ADAMTS19: variants seen among roughly 807,000 people sequenced by gnomAD.
The protein encoded by ADAMTS19 is ADAM metallopeptidase with thrombospondin type 1 motif 19.
ADAMTS19 carries 93 observed loss-of-function variants against 153.3 expected under a neutral mutation model. The observed-to-expected ratio is 0.61, with a 90% CI of 0.51 to 0.72. ADAMTS19 has a LOEUF of 0.72. Among genes scored for constraint, ADAMTS19 ranks in the 30% least tolerant of loss-of-function variants. ADAMTS19 has a pLI of 0.00. For missense variants in ADAMTS19, 1,482 were observed against 1,552.1 expected (o/e 0.95, Z 0.76); for synonymous variants, 600 against 556.6 (o/e 1.08, Z -1.10).
At chr5:129,665,616 C>T (rs775727424) in intron 16 of ADAMTS19, 37 bp downstream of exon 16, 17 of 1,501,404 alleles carry the variant, frequency 1.1e-5, no homozygotes, top group Admixed American at 1.7e-5. Context: ...GATCCAAGTA[C>T]GAGCCCAACT....
chr5:129,702,929 C>CAAAAAAAAAAAA (rs376208133), intron 20 of ADAMTS19, among the ~76,000 whole-genome samples: 15 of 44,290 alleles, frequency 3.4e-4, no homozygotes, highest in African/African-American at 1.3e-3. Context: ...TTTGACTTGC[C>CAAAAAAAAAAAA]AAAAAAAAAA....
chr5:129,638,329 A>G (rs996965906), intron 10 of ADAMTS19, among the ~76,000 whole-genome samples: 2 of 151,752 alleles, frequency 1.3e-5, no homozygotes, highest in Admixed American at 6.6e-5. Context: ...TTTAGTTTCT[A>G]TTTTTCAGTT....
At chr5:129,601,164 G>A (rs1195143478) in intron 8 of ADAMTS19, among the ~76,000 whole-genome samples, 16 of 152,198 alleles carry the variant, frequency 1.1e-4, no homozygotes, top group African/African-American at 3.6e-4. Context: ...GAGCCACCAC[G>A]CCCAGCCAGG....
intron 11 of ADAMTS19, 117 bp from the exon 12 acceptor site, chr5:129,647,648 C>T (rs1753126646): frequency 1.6e-6 from 2 of 1,226,680 alleles, no homozygotes; most frequent in Non-Finnish European, 2.3e-6. Flanking sequence ...TCCTAATTCC[C>T]CATGTTTGTG....
At chr5:129,573,419 A>G (rs1044601209) in intron 7 of ADAMTS19, among the ~76,000 whole-genome samples, 2 of 152,066 alleles carry the variant, frequency 1.3e-5, no homozygotes, top group Admixed American at 6.6e-5. Context: ...ACATTTCAGT[A>G]TGCCTTTCTT....
rs995023565 is a variant in ADAMTS19, at chr5:129,546,396, T to TA, written c.1329-5460dup. On this transcript the variant is annotated intron_variant, in intron 6 of 22. Transcript: ENST00000274487. Reference sequence around the variant, plus strand: ...AAACTTAAAGTATAATAAAAAAAATTAAAAAAAAGAGAAGATAAATAAAAA... The same window carrying TA: ...AAACTTAAAGTATAATAAAAAAAATTAAAAAAAAAGAGAAGATAAATAAAAA... 8.7e-5 allele frequency among the ~76,000 whole-genome samples: 13 copies of TA among 149,902 alleles called. 2 individuals are homozygous for TA. Among genetic ancestry groups the TA allele is most frequent in the African/African-American group, 2.5e-4 (10 of 39,880 alleles).
chr5:129,472,759 T>C (rs36058162), intron 2 of ADAMTS19, among the ~76,000 whole-genome samples: 234 of 150,966 alleles, frequency 1.6e-3, no homozygotes, highest in African/African-American at 5.1e-3. Flanking sequence ...ATTATTATAG[T>C]TATATATTTA....
At position 129,594,550 on chromosome 5, in the gene ADAMTS19, A is replaced by G. The variant is rs117223455; in HGVS notation, c.1373-2009A>G. 2.4e-4 allele frequency among the ~76,000 whole-genome samples: 36 copies of G among 152,242 alleles called. No individual in the cohort carries two copies. The East Asian group carries it at 6.4e-3, about 27-fold the overall frequency. ...TGCTGTAACTTTTAATACCCTATTTAGAGGAGATATTTTCTTTTATCCTCC... is the reference window on the plus strand; with the variant it reads ...TGCTGTAACTTTTAATACCCTATTTGGAGGAGATATTTTCTTTTATCCTCC... On this transcript the variant is annotated intron_variant, in intron 7 of 22. Transcript: ENST00000274487.
chr5:129,724,015 G>A (rs779837630), intron 21 of ADAMTS19, among the ~76,000 whole-genome samples: 55 of 152,310 alleles, frequency 3.6e-4, no homozygotes, highest in Non-Finnish European at 6.3e-4. Context: ...GTTAAGATAA[G>A]GGGTTGCGGA....
At chr5:129,542,328 T>C (rs1752684010) in intron 6 of ADAMTS19, among the ~76,000 whole-genome samples, 1 of 152,116 alleles carries the variant, frequency 6.6e-6, no homozygotes, top group Admixed American at 6.6e-5. Flanking sequence ...AGCTGATGAC[T>C]AGAATACACT....
At chr5:129,596,314 G>A (rs560494199) in intron 7 of ADAMTS19, among the ~76,000 whole-genome samples, 1 of 151,716 alleles carries the variant, frequency 6.6e-6, no homozygotes, top group East Asian at 1.9e-4. Context: ...ATTCCTTTTG[G>A]GAACTTGATA....
At chr5:129,649,104 A>C in intron 13 of ADAMTS19, 134 bp downstream of exon 13, 1 of 813,172 alleles carries the variant, frequency 1.2e-6, no homozygotes, top group Admixed American at 2.6e-5. Context: ...ACCTGTATGG[A>C]CATATAATAA....
At chr5:129,658,323 A>G (rs1306369256) in intron 14 of ADAMTS19, among the ~76,000 whole-genome samples, 1,470 of 103,970 alleles carry the variant, frequency 0.014, 70 homozygotes, top group African/African-American at 0.057. Context: ...GAAAGAAAGA[A>G]AGAAAGAAAG....
intron 3 of ADAMTS19, among the ~76,000 whole-genome samples, chr5:129,512,894 C>A (rs894465447): frequency 6.6e-6 from 1 of 151,976 alleles, no homozygotes; most frequent in Non-Finnish European, 1.5e-5. Context: ...ACAGGCATTT[C>A]TCAGGACTTC....
intron 2 of ADAMTS19, among the ~76,000 whole-genome samples, chr5:129,477,647 G>T (rs1372475640): frequency 6.6e-6 from 1 of 152,208 alleles, no homozygotes; most frequent in African/African-American, 2.4e-5. Context: ...TTTGCCTATA[G>T]TTAGCTCTGT....
intron 2 of ADAMTS19, among the ~76,000 whole-genome samples, chr5:129,494,712 G>T (rs750681956): frequency 6.6e-6 from 1 of 151,972 alleles, no homozygotes; most frequent in Admixed American, 6.6e-5. Flanking sequence ...TGCTTTCCCC[G>T]CATTATTCTC....
intron 2 of ADAMTS19, among the ~76,000 whole-genome samples, chr5:129,462,056 T>C (rs1256115657): frequency 6.6e-6 from 1 of 152,230 alleles, no homozygotes; most frequent in Non-Finnish European, 1.5e-5. Context: ...GCTCAACTTC[T>C]TTCTGTTCTC....
At position 129,460,466 on chromosome 5, in the gene ADAMTS19, G is replaced by T. The variant is rs1441740628; in HGVS notation, c.75G>T (p.Ser25=). Reference sequence around the variant, plus strand: ...TCCTTTACCAGCTGGGGTTCCTGTCGAATGGGATCGTTTCAGGTAAGTTCT... The same window carrying T: ...TCCTTTACCAGCTGGGGTTCCTGTCTAATGGGATCGTTTCAGGTAAGTTCT... ...CCLLYQLGFL[S]NGIVSELQFA... The change falls in exon 1 of 23, where the codon TCG becomes TCT. Residue 25 remains serine (S), a synonymous_variant. Coordinates refer to ENST00000274487, the MANE Select transcript of ADAMTS19 (RefSeq NM_133638.6). The T allele has an allele frequency of 6.2e-7, 1 of 1,614,152 alleles. No homozygotes were observed. Among genetic ancestry groups the T allele is most frequent in the Non-Finnish European group, 8.5e-7 (1 of 1,180,018 alleles).
intron 16 of ADAMTS19, among the ~76,000 whole-genome samples, chr5:129,668,231 G>A (rs1363967516): frequency 6.6e-6 from 1 of 151,962 alleles, no homozygotes. Flanking sequence ...ATAAGGCCTC[G>A]TATTTAAGGC....
Sources: allele counts gnomAD v4.1 joint callset (sites outside exome capture counted in the v4.1 genomes callset), GRCh38; gene constraint gnomAD v4.1.1; transcripts MANE v1.5; gene names NCBI Gene and HGNC (gene_info 2026-07-23, HGNC 2026-07-21).